Variants in MARK1 observed in about 807,000 individuals in gnomAD.
MARK1 encodes the protein serine/threonine-protein kinase MARK1.
In MARK1, 40 loss-of-function variants were observed where a neutral mutation model predicts 96.3. The ratio of observed to expected loss-of-function variants is 0.42; its 90% CI spans 0.32 to 0.54. The LOEUF is 0.54. MARK1 is among the 20% of genes least tolerant of loss of function. The pLI is 0.16. For missense variants in MARK1, 719 were observed against 984.6 expected, an observed-to-expected ratio of 0.73 and a Z score of 3.61; for synonymous variants, 317 against 341.2, an observed-to-expected ratio of 0.93 and a Z score of 0.78.
At chr1:220,572,900 A>G (rs1332273010) in intron 1 of MARK1, among the ~76,000 whole-genome samples, 2 of 152,058 alleles carry the variant, frequency 1.3e-5, no homozygotes, top group East Asian at 1.9e-4. Context: ...TTTTTTGAGG[A>G]ATGTTTTCAC....
intron 3 of MARK1, among the ~76,000 whole-genome samples, chr1:220,582,712 A>G (rs1007064796): frequency 3.3e-5 from 5 of 152,248 alleles, no homozygotes; most frequent in Non-Finnish European, 5.9e-5. Context: ...ACATGTGAAC[A>G]TGAAACTGAA....
intron 1 of MARK1, among the ~76,000 whole-genome samples, chr1:220,537,035 T>G (rs1660744432): frequency 6.6e-6 from 1 of 152,148 alleles, no homozygotes; most frequent in Admixed American, 6.5e-5. Flanking sequence ...ATTTGCACAT[T>G]TGTTACATAG....
chr1:220,539,330 G>T (rs1660965124), intron 1 of MARK1, among the ~76,000 whole-genome samples: 1 of 152,286 alleles, frequency 6.6e-6, no homozygotes, highest in South Asian at 2.1e-4. Flanking sequence ...AGATAATCAT[G>T]TGGTTTTTGT....
intron 11 of MARK1, 26 bp from the exon 12 acceptor site, chr1:220,635,350 A>G: frequency 6.5e-7 from 1 of 1,545,598 alleles, no homozygotes; most frequent in Admixed American, 2.3e-5. Context: ...TTTGCTTTAA[A>G]ATCCCTGTGG....
chr1:220,662,280 G>T lies in MARK1; in HGVS notation c.*114G>T. 2 of 734,100 alleles carry T rather than the reference G, an allele frequency of 2.7e-6. No individual in the cohort carries two copies. Among genetic ancestry groups the T allele is most frequent in the Non-Finnish European group, 4.4e-6 (2 of 454,504 alleles). 45.5% of individuals were successfully genotyped at this position (734,100 alleles called of 1,614,324 possible). ...CTGTGAATCTCCCCATGTAGAATTTGCCCTTAATGCAATAAGGTTATACAT... is the reference window on the plus strand; with the variant it reads ...CTGTGAATCTCCCCATGTAGAATTTTCCCTTAATGCAATAAGGTTATACAT... On this transcript the variant is annotated 3_prime_UTR_variant, in exon 18 of 18. Coordinates refer to ENST00000366917, the MANE Select transcript of MARK1 (RefSeq NM_018650.5).
intron 1 of MARK1, among the ~76,000 whole-genome samples, chr1:220,537,140 A>G (rs1287146613): frequency 6.7e-6 from 1 of 149,940 alleles, no homozygotes; most frequent in East Asian, 2.0e-4. Flanking sequence ...CACAATGTGC[A>G]GGTTGGTTAC....
At chr1:220,661,012 G>A (rs2103077821) in intron 17 of MARK1, among the ~76,000 whole-genome samples, 1 of 152,328 alleles carries the variant, frequency 6.6e-6, no homozygotes, top group African/African-American at 2.4e-5. Flanking sequence ...GGTACAATAT[G>A]AGCAAAGATT....
intron 1 of MARK1, among the ~76,000 whole-genome samples, chr1:220,544,538 T>C (rs1486502017): frequency 1.3e-5 from 2 of 152,206 alleles, no homozygotes; most frequent in Non-Finnish European, 2.9e-5. Flanking sequence ...CCCTTGATAT[T>C]GGACTTCCCA....
At chr1:220,645,266 C>T (rs1264978495) in intron 13 of MARK1, among the ~76,000 whole-genome samples, 1 of 152,046 alleles carries the variant, frequency 6.6e-6, no homozygotes, top group Admixed American at 6.5e-5. Flanking sequence ...TACAAACAAC[C>T]ATCAGAGAAT....
intron 9 of MARK1, among the ~76,000 whole-genome samples, chr1:220,620,042 T>C (rs1244446569): frequency 1.3e-5 from 2 of 152,202 alleles, no homozygotes; most frequent in East Asian, 3.8e-4. Context: ...TATTTTTCAG[T>C]AGAGGATACA....
At chr1:220,570,068 A>C (rs1663336278) in intron 1 of MARK1, among the ~76,000 whole-genome samples, 1 of 152,174 alleles carries the variant, frequency 6.6e-6, no homozygotes, top group African/African-American at 2.4e-5. Context: ...CAAGGATGTA[A>C]GAAACAATGG....
intron 16 of MARK1, among the ~76,000 whole-genome samples, chr1:220,656,572 A>G (rs1669189618): frequency 6.6e-6 from 1 of 152,204 alleles, no homozygotes. Flanking sequence ...ATATCAGTTC[A>G]TCTACATGTA....
chr1:220,547,223 T>A (rs914152659), intron 1 of MARK1, among the ~76,000 whole-genome samples: 1 of 152,216 alleles, frequency 6.6e-6, no homozygotes, highest in Non-Finnish European at 1.5e-5. Context: ...CACTCTAGAT[T>A]CTTTCTGTAT....
intron 1 of MARK1, among the ~76,000 whole-genome samples, chr1:220,570,341 C>T (rs1326908454): frequency 6.6e-6 from 1 of 152,070 alleles, no homozygotes; most frequent in Non-Finnish European, 1.5e-5. Flanking sequence ...TTTTGAACCT[C>T]CGAAAGATAC....
At chr1:220,585,904 C>T (rs910153351) in intron 3 of MARK1, among the ~76,000 whole-genome samples, 1 of 152,002 alleles carries the variant, frequency 6.6e-6, no homozygotes, top group Non-Finnish European at 1.5e-5. Flanking sequence ...CTGCTTTTAT[C>T]TTTCTCTATC....
At chr1:220,557,285 A>G (rs1203629011) in intron 1 of MARK1, among the ~76,000 whole-genome samples, 2 of 152,216 alleles carry the variant, frequency 1.3e-5, no homozygotes, top group Admixed American at 1.3e-4. Context: ...AAGAATAAGG[A>G]CAAATTAAGC....
chr1:220,589,359 T>C (rs1173048637), intron 3 of MARK1, among the ~76,000 whole-genome samples: 1 of 151,980 alleles, frequency 6.6e-6, no homozygotes, highest in Non-Finnish European at 1.5e-5. Context: ...ATGGAAGAGA[T>C]AGGAAGGAAC....
At chr1:220,567,493 A>G (rs1315328882) in intron 1 of MARK1, among the ~76,000 whole-genome samples, 2 of 152,186 alleles carry the variant, frequency 1.3e-5, no homozygotes, top group Non-Finnish European at 2.9e-5. Context: ...TTTTCACATT[A>G]AAGGCTATTC....
chr1:220,637,800 G>GA (rs796892241), intron 13 of MARK1, among the ~76,000 whole-genome samples: 1,968 of 132,590 alleles, frequency 0.015, 29 homozygotes, highest in African/African-American at 0.045. Context: ...CCAGCAGAAG[G>GA]AAAAAAAAAA....
Sources: gnomAD v4.1 joint callset for allele counts (sites outside exome capture counted in the v4.1 genomes callset) on GRCh38, gnomAD v4.1.1 for gene constraint, MANE v1.5 for transcripts, NCBI Gene and HGNC (gene_info 2026-07-23, HGNC 2026-07-21) for gene names.